UNC79: variants seen among roughly 807,000 people sequenced by gnomAD.
UNC79 encodes unc-79 subunit of NALCN channel complex.
In UNC79, 37 loss-of-function variants were observed where a neutral mutation model predicts 283.1. That is an observed-to-expected ratio of 0.13 (90% CI 0.10 to 0.17). UNC79 has a LOEUF of 0.17. UNC79 is among the 10% of genes least tolerant of loss of function. The pLI, the probability that UNC79 is intolerant of heterozygous loss-of-function variation, is 1.00. For synonymous variants in UNC79, 1,107 were observed against 1,200.2 expected, an observed-to-expected ratio of 0.92 and a Z score of 1.61; for missense variants, 2,272 against 3,211.1, an observed-to-expected ratio of 0.71 and a Z score of 7.07.
intron 10 of UNC79, among the ~76,000 whole-genome samples, chr14:93,532,132 G>A: frequency 6.6e-6 from 1 of 152,058 alleles, no homozygotes; most frequent in African/African-American, 2.4e-5. Context: ...ATATTACTAA[G>A]ATTTAAAAGA....
chr14:93,680,236 A>G (rs980835238), intron 41 of UNC79, among the ~76,000 whole-genome samples: 1 of 152,234 alleles, frequency 6.6e-6, no homozygotes, highest in Non-Finnish European at 1.5e-5. Context: ...TATGCTCTGC[A>G]TTGCACTTTG....
At chr14:93,654,251 G>C (rs1005094510) in intron 37 of UNC79, among the ~76,000 whole-genome samples, 4 of 152,154 alleles carry the variant, frequency 2.6e-5, no homozygotes, top group Admixed American at 1.3e-4. Flanking sequence ...AGCACTTTGG[G>C]AGACTGAGGC....
In UNC79 at chr14:93,347,493, C is replaced by G. The variant is rs917587815; in HGVS notation, c.-351+13970C>G. 3.1e-6 allele frequency: 4 copies of G among 1,291,868 alleles called. No individual in the cohort carries two copies. The East Asian group carries it at 1.2e-4, about 40-fold the overall frequency. The allele number at this position is 1,291,868 out of a possible 1,614,324, so 80.0% of individuals were successfully genotyped here. On this transcript the variant is annotated intron_variant, in intron 1 of 49. Coordinates refer to the UNC79 transcript ENST00000256339. ...AAGGGAGGACACGGCGTGCAGGCCT[C>G]GCGTGGGAGGCTCTTGTGGCTTGGT... is the stretch of plus-strand genomic sequence containing the variant.
intron 17 of UNC79, among the ~76,000 whole-genome samples, chr14:93,576,722 G>A (rs570057002): frequency 1.3e-5 from 2 of 152,238 alleles, no homozygotes; most frequent in East Asian, 3.9e-4. Context: ...TGTAAGAAAG[G>A]GCTGGTTGGA....
intron 39 of UNC79, 41 bp downstream of exon 42, chr14:93,659,302 G>C: frequency 6.6e-7 from 1 of 1,522,582 alleles, no homozygotes; most frequent in Non-Finnish European, 9.0e-7. Context: ...TGGTTAGTCA[G>C]TTTTTTTTAA....
chr14:93,670,618 AC>A (rs894200497), intron 40 of UNC79, among the ~76,000 whole-genome samples: 1 of 151,920 alleles, frequency 6.6e-6, no homozygotes, highest in Non-Finnish European at 1.5e-5. Context: ...AGCTCTCCAA[AC>A]CCTTTTCTTT....
At chr14:93,576,637 G>A (rs193254329) in intron 17 of UNC79, among the ~76,000 whole-genome samples, 21 of 152,292 alleles carry the variant, frequency 1.4e-4, no homozygotes, top group Non-Finnish European at 2.8e-4. Context: ...GTACAGTCCA[G>A]TAGAAAGTCC....
In UNC79 at chr14:93,690,372, A is replaced by G; in HGVS notation, c.7272+69A>G. ...CTAATGGAAACCTTATCAGCCAATT[A>G]TGTTTCTTCTGAGAAGAAAATACAT... On this transcript the variant is annotated intron_variant, in intron 45 of 48. Coordinates refer to ENST00000555664, the Ensembl canonical transcript of UNC79. This position sits in a 1 kb window ranked among gnomAD's most constrained non-coding sequence, Gnocchi z 4.3. The G allele has an allele frequency of 6.6e-7, 1 of 1,515,042 alleles. No homozygotes were observed. The highest frequency in any genetic ancestry group is 1.4e-5 in the African/African-American group (1 of 72,362). 93.8% of individuals were successfully genotyped at this position (1,515,042 alleles called of 1,614,324 possible).
chr14:93,459,244 G>T (rs1461485489), intron 1 of UNC79, among the ~76,000 whole-genome samples: 1 of 152,216 alleles, frequency 6.6e-6, no homozygotes, highest in East Asian at 1.9e-4. Flanking sequence ...AAAGTGCTGG[G>T]ATTACAGGCA....
intron 47 of UNC79, among the ~76,000 whole-genome samples, chr14:93,698,487 T>A (rs1044922931): frequency 5.7e-5 from 6 of 105,834 alleles, no homozygotes. Context: ...TTTTTTTTTT[T>A]TTTTTTTTTT....
At chr14:93,501,295 G>A (rs985581562) in intron 7 of UNC79, among the ~76,000 whole-genome samples, 2 of 151,850 alleles carry the variant, frequency 1.3e-5, no homozygotes, top group African/African-American at 4.8e-5. Flanking sequence ...TTGCACTGAA[G>A]CCTGGACGAC....
intron 11 of UNC79, among the ~76,000 whole-genome samples, chr14:93,533,538 T>C (rs2141086984): frequency 6.6e-6 from 1 of 152,236 alleles, no homozygotes; most frequent in Non-Finnish European, 1.5e-5. Context: ...CTGGGATGGC[T>C]GGAATGGTGA....
intron 1 of UNC79, among the ~76,000 whole-genome samples, chr14:93,374,490 A>G (rs2054515989): frequency 6.6e-6 from 1 of 152,046 alleles, no homozygotes; most frequent in African/African-American, 2.4e-5. Flanking sequence ...TTGGAATGCA[A>G]ATGTCTGTCT....
At chr14:93,618,409 A>G in intron 29 of UNC79, 55 bp downstream of exon 30, 2 of 1,474,330 alleles carry the variant, frequency 1.4e-6, no homozygotes, top group South Asian at 1.4e-5. Flanking sequence ...AGATTTCTGG[A>G]CAATGTTTTC....
At chr14:93,683,574 C>A (rs753507244) in intron 42 of UNC79, among the ~76,000 whole-genome samples, 2 of 152,074 alleles carry the variant, frequency 1.3e-5, no homozygotes, top group Non-Finnish European at 2.9e-5. Flanking sequence ...TCGTTTAATT[C>A]TTTAAAACTC....
chr14:93,335,364 A>G (rs2053555285), intron 1 of UNC79, among the ~76,000 whole-genome samples: 1 of 152,264 alleles, frequency 6.6e-6, no homozygotes, highest in Non-Finnish European at 1.5e-5. Context: ...TCCGATACAC[A>G]TTTAAAGTAT....
chr14:93,572,709 G>C (rs762442046), exon 16 of UNC79: 6 of 1,613,972 alleles, frequency 3.7e-6, no homozygotes, highest in Non-Finnish European at 5.1e-6. Context: ...GTTTGACATT[G>C]AACTCTGTCC....
rs553778078 is a variant in UNC79, at chr14:93,655,038, A to G, written c.6283-196A>G. On this transcript the variant is annotated intron_variant, in intron 37 of 48. Coordinates refer to ENST00000555664, the Ensembl canonical transcript of UNC79. ...ATTTCTTGCTCACTTTTCACCTCTCATCAATTTTCCCCCTTAAGTTTGTCT... is the reference window on the plus strand; with the variant it reads ...ATTTCTTGCTCACTTTTCACCTCTCGTCAATTTTCCCCCTTAAGTTTGTCT... Among the ~76,000 whole-genome samples the G allele has an allele frequency of 1.5e-3, 231 of 152,222 alleles. 2 individuals carry two copies. The highest frequency in any genetic ancestry group is 5.5e-3 in the African/African-American group (227 of 41,540).
intron 26 of UNC79, among the ~76,000 whole-genome samples, chr14:93,607,318 G>A (rs2065955456): frequency 6.6e-6 from 1 of 152,124 alleles, no homozygotes; most frequent in Non-Finnish European, 1.5e-5. Context: ...AACAATAATA[G>A]GTATGTAATA....
Sources: allele counts gnomAD v4.1 joint callset (sites outside exome capture counted in the v4.1 genomes callset), GRCh38; gene constraint gnomAD v4.1.1; non-coding constraint Gnocchi (gnomAD v3.1); transcripts MANE v1.5; gene names NCBI Gene and HGNC (gene_info 2026-07-23, HGNC 2026-07-21).